The following ITGB5 variants were observed in gnomAD, a reference collection of about 807,000 sequenced individuals.
ITGB5 encodes the protein integrin beta-5.
ITGB5 carries 38 observed loss-of-function variants against 84.8 expected under a neutral mutation model. The observed-to-expected ratio is 0.45, with a 90% confidence interval of 0.35 to 0.59. The LOEUF (loss-of-function observed/expected upper bound fraction) is 0.59. ITGB5 is among the 20% of genes least tolerant of loss of function. The probability of loss-of-function intolerance (pLI) is 0.01; values close to 1 mark genes in which losing one functional copy is unlikely to be tolerated. For missense variants in ITGB5, 905 were observed against 1,034.5 expected (o/e 0.87, Z 1.72); for synonymous variants, 393 against 414.4 (o/e 0.95, Z 0.63).
At chr3:124,877,542 AGC>A in intron 1 of ITGB5, among the ~76,000 whole-genome samples, 1 of 152,240 alleles carries the variant, frequency 6.6e-6, no homozygotes, top group Non-Finnish European at 1.5e-5. Context: ...ATGAGATTAT[AGC>A]ACCTTGGGGC....
At chr3:124,796,938 T>A (rs1348841830) in intron 9 of ITGB5, 121 bp from the exon 10 acceptor site, 1 of 909,950 alleles carries the variant, frequency 1.1e-6, no homozygotes, top group Non-Finnish European at 1.6e-6. Flanking sequence ...CGCACTCAGG[T>A]AGAACCACCA....
chr3:124,859,682 T>G (rs1470295675), intron 2 of ITGB5, among the ~76,000 whole-genome samples: 3 of 152,296 alleles, frequency 2.0e-5, no homozygotes, highest in Non-Finnish European at 4.4e-5. Context: ...ATAATAAAAA[T>G]GTTCGGTTTT....
At chr3:124,860,878 A>G (rs2065287180) in intron 2 of ITGB5, among the ~76,000 whole-genome samples, 1 of 152,220 alleles carries the variant, frequency 6.6e-6, no homozygotes, top group Non-Finnish European at 1.5e-5. Flanking sequence ...GAACTACCCA[A>G]TGCCCTTTAG....
intron 4 of ITGB5, among the ~76,000 whole-genome samples, chr3:124,844,713 G>A (rs2065055498): frequency 6.6e-6 from 1 of 152,224 alleles, no homozygotes; most frequent in Admixed American, 6.5e-5. Context: ...GAATAGGGCT[G>A]TCTGCATAAA....
Position 124,762,382 on chromosome 3 carries a change from A to G in ITGB5, c.*1241T>C, listed in dbSNP as rs940941314. 6.6e-6 allele frequency: 1 copy of G among 152,090 alleles called. No individual in the cohort carries two copies. The highest frequency in any genetic ancestry group is 6.6e-5 in the Admixed American group (1 of 15,260). The allele number at this position is 152,090 out of a possible 1,614,324, so 9.4% of individuals were successfully genotyped here. On this transcript the variant is annotated 3_prime_UTR_variant, in exon 15 of 15. Transcript: ENST00000296181. ...CTTAGGAACAGTTTGTCATTCAGTA[A>G]CCTCCTAACAAACACTCGGGCAAGC...
intron 8 of ITGB5, among the ~76,000 whole-genome samples, chr3:124,815,431 G>A (rs1425837736): frequency 6.6e-6 from 1 of 152,212 alleles, no homozygotes; most frequent in Non-Finnish European, 1.5e-5. Flanking sequence ...GCCTTAAAGA[G>A]GGACCTCACC....
intron 1 of ITGB5, among the ~76,000 whole-genome samples, chr3:124,885,348 AG>A (rs780745022): frequency 6.6e-6 from 1 of 152,214 alleles, no homozygotes; most frequent in Admixed American, 6.5e-5. Context: ...CAAGCTGGAA[AG>A]GAACTTAAAA....
At chr3:124,851,148 G>C (rs958313482) in intron 3 of ITGB5, among the ~76,000 whole-genome samples, 5 of 152,184 alleles carry the variant, frequency 3.3e-5, no homozygotes, top group African/African-American at 1.2e-4. Context: ...ATTCCGGGAG[G>C]CTGAGAGGCA....
chr3:124,817,380 TGA>T (rs1157070043), intron 8 of ITGB5, among the ~76,000 whole-genome samples: 4 of 152,180 alleles, frequency 2.6e-5, no homozygotes, highest in African/African-American at 9.6e-5. Context: ...CTTGGCTCAC[TGA>T]GATCTGCAGA....
At chr3:124,811,287 A>T (rs1180807583) in intron 8 of ITGB5, among the ~76,000 whole-genome samples, 1 of 152,240 alleles carries the variant, frequency 6.6e-6, no homozygotes, top group African/African-American at 2.4e-5. Flanking sequence ...CGTTGAATGA[A>T]TAAACGCATG....
intron 2 of ITGB5, among the ~76,000 whole-genome samples, chr3:124,864,170 C>T (rs1279243847): frequency 2.5e-5 from 3 of 119,764 alleles, no homozygotes; most frequent in South Asian, 2.8e-4. Context: ...TGCAGTGACA[C>T]GATCTCAGCT....
chr3:124,845,379 C>T (rs1038720479), intron 4 of ITGB5, among the ~76,000 whole-genome samples: 48 of 152,364 alleles, frequency 3.2e-4, no homozygotes, highest in African/African-American at 1.1e-3. Flanking sequence ...GGATGCCGTG[C>T]TGCCTGGACG....
chr3:124,796,434 C>T lies in ITGB5; in HGVS notation c.1647G>A (p.Glu549=), dbSNP rs948777644. The change falls in exon 10 of 15, where the codon GAG becomes GAA. Residue 549 remains glutamate (E), a synonymous_variant. Transcript: ENST00000296181. ...TCCTGGCACAGGAGAAGTTGTCGCA[C>T]TCACAGAAAGGCCCATAGATCTTGC... The part of the protein sequence containing the change: ...EFGKIYGPFC[E]CDNFSCARNK... 6.2e-7 allele frequency: 1 copy of T among 1,614,020 alleles called. No individual in the cohort carries two copies. The highest frequency in any genetic ancestry group is 8.5e-7 in the Non-Finnish European group (1 of 1,179,926).
chr3:124,763,550 G>C lies in ITGB5; in HGVS notation c.*73C>G. ...CTACCTAGGGAGCTGTGATCAAGCC[G>C]AGCAGCCGTGCAAGGCGTTTCAGTC... On this transcript the variant is annotated 3_prime_UTR_variant, in exon 15 of 15. Coordinates refer to ENST00000296181, the MANE Select transcript of ITGB5 (RefSeq NM_002213.5). The C allele has an allele frequency of 1.1e-6, 1 of 902,856 alleles. No homozygotes were observed. Among genetic ancestry groups the C allele is most frequent in the East Asian group, 2.4e-5 (1 of 41,008 alleles). 55.9% of individuals were successfully genotyped at this position (902,856 alleles called of 1,614,324 possible).
At chr3:124,822,674 G>A (rs1372045330) in intron 5 of ITGB5, among the ~76,000 whole-genome samples, 1 of 152,180 alleles carries the variant, frequency 6.6e-6, no homozygotes, top group Non-Finnish European at 1.5e-5. Flanking sequence ...TGAACAAAGG[G>A]ATTAGCCTTT....
chr3:124,790,504 C>A lies in ITGB5; in HGVS notation c.1693+5884G>T, dbSNP rs373016254. Among the ~76,000 whole-genome samples, 3 of 151,962 alleles carry A rather than the reference C, an allele frequency of 2.0e-5. No individual in the cohort carries two copies. In the South Asian group the frequency reaches 6.2e-4, roughly 32 times the overall value. ...GTTATCAGAACCGCCTTTGACTAGA[C>A]AGGGTTATCAGAACCGCCTTTGACT... On this transcript the variant is annotated intron_variant, in intron 10 of 14. Transcript: ENST00000296181.
intron 9 of ITGB5, among the ~76,000 whole-genome samples, chr3:124,799,547 G>C (rs1295326035): frequency 1.3e-5 from 2 of 152,170 alleles, no homozygotes. Flanking sequence ...ACGACAGAGT[G>C]AGATCTTGTC....
At position 124,865,481 on chromosome 3, in the gene ITGB5, C is replaced by CTTTTTTT. The variant is rs59446328; in HGVS notation, c.157-6042_157-6036dup. Among the ~76,000 whole-genome samples, 423 of 93,254 alleles carry CTTTTTTT rather than the reference C, an allele frequency of 4.5e-3. 19 individuals are homozygous for CTTTTTTT. The highest frequency in any genetic ancestry group is 6.1e-3 in the Non-Finnish European group (303 of 49,316). The allele number at this position is 93,254 out of a possible 152,430, so 61.2% of individuals were successfully genotyped here. A position where few individuals can be genotyped will look rare whatever the true frequency, so the allele number is the denominator to read the frequency against. ...TTGAAGTGTCCTTTGCGGCTTTTTT[C>CTTTTTTT]TTTTTTTTTTTTTTTTTTTTTGAGA... On this transcript the variant is annotated intron_variant, in intron 2 of 14. Coordinates refer to ENST00000296181, the MANE Select transcript of ITGB5 (RefSeq NM_002213.5).
chr3:124,765,601 G>A (rs943153222), intron 13 of ITGB5, among the ~76,000 whole-genome samples: 1 of 152,218 alleles, frequency 6.6e-6, no homozygotes, highest in Non-Finnish European at 1.5e-5. Flanking sequence ...CCTCCAAGAT[G>A]AGACCCTCCC....
Sources: allele counts gnomAD v4.1 joint callset (sites outside exome capture counted in the v4.1 genomes callset), GRCh38; gene constraint gnomAD v4.1.1; transcripts MANE v1.5; gene names NCBI Gene and HGNC (gene_info 2026-07-23, HGNC 2026-07-21).